NR1H4: variants seen among roughly 807,000 people sequenced by gnomAD.
The protein encoded by NR1H4 is nuclear receptor subfamily 1 group H member 4, also known as bile acid receptor.
In NR1H4, 23 loss-of-function variants were observed where a neutral mutation model predicts 58.5. The observed-to-expected ratio is 0.39, with a 90% CI of 0.28 to 0.56. The LOEUF is 0.56. Among genes scored for constraint, NR1H4 ranks in the 20% least tolerant of loss-of-function variants. The pLI is 0.58. For synonymous variants in NR1H4, 214 were observed against 198.0 expected (o/e 1.08, Z -0.68); for missense variants, 487 against 576.9 (o/e 0.84, Z 1.60).
In NR1H4 at chr12:100,484,609, G is replaced by C. The variant is rs116782761; in HGVS notation, c.-189-7894G>C. On this transcript the variant is annotated intron_variant, in intron 1 of 10. Transcript: ENST00000392986. ...TTAAACTTTGTATCATGGGGCTGCT[G>C]CTTCTCCTTCCTCCTCCTTTTTGTA... 6.7e-3 allele frequency among the ~76,000 whole-genome samples: 1,027 copies of C among 152,242 alleles called. 10 individuals carry two copies. Among genetic ancestry groups the C allele is most frequent in the African/African-American group, 0.024 (981 of 41,530 alleles).
At chr12:100,481,643 C>T (rs1026292091) in intron 1 of NR1H4, among the ~76,000 whole-genome samples, 9 of 151,904 alleles carry the variant, frequency 5.9e-5, no homozygotes, top group South Asian at 2.1e-4. Flanking sequence ...GGGCTGGGCA[C>T]GGTGGCTCAT....
chr12:100,527,743 G>A (rs1954596183), intron 4 of NR1H4, among the ~76,000 whole-genome samples: 1 of 152,082 alleles, frequency 6.6e-6, no homozygotes, highest in African/African-American at 2.4e-5. Flanking sequence ...GAGAACATAT[G>A]GTGTTTGGTT....
chr12:100,510,289 G>A lies in NR1H4; in HGVS notation c.80-489G>A, dbSNP rs551281921. ...GAAGTTTAAAAAACTGGAAAATATT[G>A]ACAAATTTCCCCCCAAAAATATTTG... On this transcript the variant is annotated intron_variant, in intron 3 of 10. Transcript: ENST00000392986. Among the ~76,000 whole-genome samples the A allele has an allele frequency of 1.1e-3, 173 of 152,162 alleles. 2 individuals are homozygous for A. The highest frequency in any genetic ancestry group is 2.0e-3 in the Admixed American group (30 of 15,294).
intron 1 of NR1H4, among the ~76,000 whole-genome samples, chr12:100,476,447 G>A (rs1593028184): frequency 6.6e-6 from 1 of 152,158 alleles, no homozygotes; most frequent in Non-Finnish European, 1.5e-5. Context: ...CGTTATCAGC[G>A]TTTTAATTAA....
chr12:100,485,136 A>T (rs189665163), intron 1 of NR1H4, among the ~76,000 whole-genome samples: 2 of 152,218 alleles, frequency 1.3e-5, no homozygotes, highest in Admixed American at 6.5e-5. Flanking sequence ...CTGCAGCTCT[A>T]TTCTGAATAT....
chr12:100,505,736 C>T (rs1053959901), intron 3 of NR1H4: 3 of 599,732 alleles, frequency 5.0e-6, no homozygotes, highest in African/African-American at 3.7e-5. Flanking sequence ...TATGTATTTT[C>T]CCTTTTAAAT....
intron 5 of NR1H4, among the ~76,000 whole-genome samples, chr12:100,533,890 C>CTTTT (rs758465149): frequency 5.6e-5 from 8 of 143,408 alleles, no homozygotes; most frequent in Admixed American, 1.4e-4. Context: ...TAATAGCTCT[C>CTTTT]TTTTTTTTTT....
At chr12:100,557,025 T>C (rs1955344603) in intron 9 of NR1H4, among the ~76,000 whole-genome samples, 1 of 152,108 alleles carries the variant, frequency 6.6e-6, no homozygotes, top group Admixed American at 6.5e-5. Context: ...TTTATTTTAA[T>C]TTTTTTTACA....
intron 1 of NR1H4, among the ~76,000 whole-genome samples, chr12:100,480,286 C>A (rs146319617): frequency 4.9e-4 from 75 of 152,210 alleles, no homozygotes; most frequent in Admixed American, 1.8e-3. Context: ...TTTACTATGT[C>A]TAGTGTCTGT....
At chr12:100,525,985 A>G (rs1311865535) in intron 4 of NR1H4, among the ~76,000 whole-genome samples, 3 of 151,808 alleles carry the variant, frequency 2.0e-5, no homozygotes, top group African/African-American at 7.3e-5. Context: ...TTCATTTCTG[A>G]TATTGGTAAT....
At chr12:100,540,580 T>A in intron 8 of NR1H4, 92 bp from the exon 9 acceptor site, 1 of 1,382,382 alleles carries the variant, frequency 7.2e-7, no homozygotes, top group South Asian at 1.2e-5. Flanking sequence ...AACTACAGAA[T>A]CACTTGATGT....
intron 1 of NR1H4, among the ~76,000 whole-genome samples, chr12:100,475,797 G>A (rs556664878): frequency 5.3e-5 from 8 of 152,082 alleles, no homozygotes; most frequent in Admixed American, 3.3e-4. Context: ...GTGCAGTGGC[G>A]CTATATCGGC....
At chr12:100,544,253 C>CAAAAA (rs943465011) in intron 9 of NR1H4, among the ~76,000 whole-genome samples, 3 of 64,388 alleles carry the variant, frequency 4.7e-5, no homozygotes, top group African/African-American at 4.9e-5. Context: ...CTCGGTCTCA[C>CAAAAA]AAAAAAAAAA....
chr12:100,489,828 A>C (rs1953568969), intron 1 of NR1H4, among the ~76,000 whole-genome samples: 1 of 152,178 alleles, frequency 6.6e-6, no homozygotes, highest in Non-Finnish European at 1.5e-5. Context: ...CTATTTCAAA[A>C]ATTTAGTTTC....
chr12:100,535,594 G>A (rs1174628231), intron 6 of NR1H4, among the ~76,000 whole-genome samples: 1 of 152,200 alleles, frequency 6.6e-6, no homozygotes, highest in Non-Finnish European at 1.5e-5. Flanking sequence ...TTTGCCATTA[G>A]CTGAAAAACC....
At chr12:100,522,989 C>G (rs185061661) in intron 4 of NR1H4, among the ~76,000 whole-genome samples, 5 of 152,262 alleles carry the variant, frequency 3.3e-5, no homozygotes, top group Admixed American at 1.3e-4. Flanking sequence ...TATATCTTTG[C>G]AATTGTGAAT....
At chr12:100,509,360 T>G (rs1593069035) in intron 3 of NR1H4, among the ~76,000 whole-genome samples, 1 of 152,242 alleles carries the variant, frequency 6.6e-6, no homozygotes, top group East Asian at 1.9e-4. Flanking sequence ...CCATAGTTGA[T>G]GTTTCCAGGA....
chr12:100,486,994 T>TA (rs941012026), intron 1 of NR1H4, among the ~76,000 whole-genome samples: 3 of 151,822 alleles, frequency 2.0e-5, no homozygotes, highest in Admixed American at 1.3e-4. Flanking sequence ...GCCAAGTCAA[T>TA]AAAAAAAGGA....
intron 4 of NR1H4, among the ~76,000 whole-genome samples, chr12:100,511,952 C>G (rs1954130003): frequency 7.1e-6 from 1 of 140,494 alleles, no homozygotes. Context: ...TTTTATTTAG[C>G]CTAGGCATGG....
Sources: gnomAD v4.1 joint callset for allele counts (sites outside exome capture counted in the v4.1 genomes callset) on GRCh38, gnomAD v4.1.1 for gene constraint, MANE v1.5 for transcripts, NCBI Gene and HGNC (gene_info 2026-07-23, HGNC 2026-07-21) for gene names.